The following GRHL1 variants were observed in gnomAD, a reference collection of about 807,000 sequenced individuals.
GRHL1 encodes grainyhead like transcription factor 1, also known as grainyhead-like protein 1 homolog.
GRHL1 carries 38 observed loss-of-function variants against 75.7 expected under a neutral mutation model. The observed-to-expected ratio is 0.50, with a 90% confidence interval of 0.39 to 0.66. The LOEUF is 0.66. GRHL1 is among the 30% of genes least tolerant of loss of function. The pLI is 0.00. For missense variants in GRHL1, 589 were observed against 767.5 expected, an observed-to-expected ratio of 0.77 and a Z score of 2.75; for synonymous variants, 266 against 279.4, an observed-to-expected ratio of 0.95 and a Z score of 0.48.
chr2:9,956,476 A>G (rs1667027067), intron 2 of GRHL1, among the ~76,000 whole-genome samples: 1 of 152,038 alleles, frequency 6.6e-6, no homozygotes, highest in African/African-American at 2.4e-5. Context: ...AGCTGAGATC[A>G]TGCCATATCA....
intron 11 of GRHL1, 95 bp from the exon 12 acceptor site, chr2:9,993,112 T>G (rs1668715513): frequency 3.2e-6 from 3 of 945,948 alleles, no homozygotes; most frequent in Non-Finnish European, 5.2e-6. Flanking sequence ...ATTAGATTGG[T>G]GAAATTCAAA....
chr2:9,996,421 T>TA lies in GRHL1; in HGVS notation c.1677+22dup. 7.1e-7 allele frequency: 1 copy of TA among 1,412,674 alleles called. No individual in the cohort carries two copies. Among genetic ancestry groups the TA allele is most frequent in the East Asian group, 2.3e-5 (1 of 43,988 alleles). The allele number at this position is 1,412,674 out of a possible 1,614,324, so 87.5% of individuals were successfully genotyped here. On this transcript the variant is annotated intron_variant, in intron 14 of 15. Coordinates refer to ENST00000324907, the MANE Select transcript of GRHL1 (RefSeq NM_198182.3). ...GAAGCTGTAAGTAGGATCAACTCTG[T>TA]AATCCCCTGTACAAAATGAAAGGAC...
At chr2:9,970,722 A>G (rs1245961907) in intron 8 of GRHL1, among the ~76,000 whole-genome samples, 1 of 152,220 alleles carries the variant, frequency 6.6e-6, no homozygotes. Flanking sequence ...CCCTGGGGGA[A>G]GAAAACCCTG....
At chr2:9,973,946 A>G (rs1342521703) in intron 8 of GRHL1, among the ~76,000 whole-genome samples, 1 of 152,196 alleles carries the variant, frequency 6.6e-6, no homozygotes, top group Non-Finnish European at 1.5e-5. Context: ...CAGCCTAGCT[A>G]TTTGGTTCGA....
At chr2:9,954,750 G>T in intron 1 of GRHL1, 165 bp from the exon 2 acceptor site, 1 of 683,908 alleles carries the variant, frequency 1.5e-6, no homozygotes, top group Non-Finnish European at 2.6e-6. Context: ...GGGACCCATT[G>T]GTCTGCACTT....
chr2:9,998,799 C>CAT (rs765264863), intron 14 of GRHL1, among the ~76,000 whole-genome samples, 166 bp from the exon 15 acceptor site: 4 of 29,322 alleles, frequency 1.4e-4, no homozygotes, highest in Non-Finnish European at 2.1e-4. Flanking sequence ...TATGTACACA[C>CAT]ATATATATAC....
At chr2:9,972,507 G>T (rs538785221) in intron 8 of GRHL1, among the ~76,000 whole-genome samples, 3 of 152,198 alleles carry the variant, frequency 2.0e-5, no homozygotes, top group East Asian at 3.9e-4. Context: ...GAGCTCTTCT[G>T]CCCACAAGAC....
chr2:9,975,408 C>T (rs1667906571), intron 8 of GRHL1, among the ~76,000 whole-genome samples: 1 of 152,308 alleles, frequency 6.6e-6, no homozygotes, highest in Admixed American at 6.5e-5. Flanking sequence ...CCTTGTATAT[C>T]TCAGTGTATC....
At chr2:9,961,518 A>C in intron 4 of GRHL1, 82 bp downstream of exon 4, 1 of 1,326,548 alleles carries the variant, frequency 7.5e-7, no homozygotes, top group Non-Finnish European at 1.0e-6. Context: ...TTATGTAAGC[A>C]TGAAACTCAG....
Position 9,995,929 on chromosome 2 carries a change from C to A in GRHL1, c.1550C>A (p.Pro517His). 6.2e-7 allele frequency: 1 copy of A among 1,613,022 alleles called. No homozygotes were observed. The highest frequency in any genetic ancestry group is 8.5e-7 in the Non-Finnish European group (1 of 1,178,922). The change falls in exon 13 of 16, where the codon CCT becomes CAT. Residue 517 changes from proline (P) to histidine (H), a missense_variant. Around this residue, in one of 5 missense-constraint regions of GRHL1, gnomAD observed 192 missense variants for 226.6 expected, o/e 0.85. Transcript: ENST00000324907. ...GGCACAGAAGATGACTTTGCTGTCC[C>A]TCCTTCTACCAAGCTGGCCCGGATA... ...PYGTEDDFAVPPSTKLARIEE... is the reference protein window; with the variant it reads ...PYGTEDDFAVHPSTKLARIEE...
rs1156363884 is a variant in GRHL1, at chr2:9,998,462, A to ATATATACGTG, written c.1678-494_1678-493insGTATATACGT. Among the ~76,000 whole-genome samples, 15 of 37,730 alleles carry ATATATACGTG rather than the reference A, an allele frequency of 4.0e-4. 2 individuals are homozygous for ATATATACGTG. The highest frequency in any genetic ancestry group is 6.8e-4 in the Non-Finnish European group (14 of 20,486). 24.8% of individuals were successfully genotyped at this position (37,730 alleles called of 152,430 possible). On this transcript the variant is annotated intron_variant, in intron 14 of 15. Coordinates refer to ENST00000324907, the MANE Select transcript of GRHL1 (RefSeq NM_198182.3). ...TGTGTGTGTGTGTATATATATACAT[A>ATATATACGTG]TATATACGTATATATATACATATAT...
At chr2:9,958,666 G>A in intron 2 of GRHL1, 120 bp from the exon 3 acceptor site, 1 of 713,062 alleles carries the variant, frequency 1.4e-6, no homozygotes, top group Non-Finnish European at 2.4e-6. Flanking sequence ...CCTGGTGTTT[G>A]CTAGGCAACC....
chr2:10,000,102 G>C (rs1669206703), intron 15 of GRHL1, among the ~76,000 whole-genome samples: 1 of 152,192 alleles, frequency 6.6e-6, no homozygotes. Flanking sequence ...TTTCACCTCA[G>C]CTTCCCAAGT....
chr2:9,954,513 C>T (rs1482693709), intron 1 of GRHL1, among the ~76,000 whole-genome samples: 1 of 152,148 alleles, frequency 6.6e-6, no homozygotes, highest in Non-Finnish European at 1.5e-5. Flanking sequence ...TGATGAACGG[C>T]ACACGCTCTT....
rs35903581 is a variant in GRHL1, at chr2:9,998,879, C to CAT, written c.1678-78_1678-77dup. The CAT allele has an allele frequency of 4.2e-3, 856 of 204,196 alleles. 164 individuals are homozygous for CAT. Among genetic ancestry groups the CAT allele is most frequent in the African/African-American group, 0.026 (252 of 9,684 alleles). The allele number at this position is 204,196 out of a possible 1,614,324, so 12.6% of individuals were successfully genotyped here. On this transcript the variant is annotated intron_variant, in intron 14 of 15. Coordinates refer to ENST00000324907, the MANE Select transcript of GRHL1 (RefSeq NM_198182.3). Reference sequence around the variant, plus strand: ...ATATATATACGTATATATATGTACACATATATATACATATATATATATTTG... The same window carrying CAT: ...ATATATATACGTATATATATGTACACATATATATATACATATATATATATTTG...
At chr2:9,998,448 G>GTGTGTGTT (rs1553306800) in intron 14 of GRHL1, among the ~76,000 whole-genome samples, 1 of 71,154 alleles carries the variant, frequency 1.4e-5, no homozygotes, top group African/African-American at 6.3e-5. Flanking sequence ...GTGTGTGTGT[G>GTGTGTGTT]TATATATATA....
intron 8 of GRHL1, among the ~76,000 whole-genome samples, chr2:9,984,332 G>A (rs1253080501): frequency 1.3e-5 from 2 of 151,860 alleles, no homozygotes; most frequent in Admixed American, 6.6e-5. Flanking sequence ...GGGGTTGAAG[G>A]GTCTGAAATG....
rs1558321504 is a variant in GRHL1, at chr2:9,998,827, T to TATATATATACGTATATATATGTACAC, written c.1678-101_1678-76dup. On this transcript the variant is annotated intron_variant, in intron 14 of 15. Transcript: ENST00000324907. ...ATATATACGTATATATATGTACACA[T>TATATATATACGTATATATATGTACAC]ATATATATACGTATATATATGTACA... The TATATATATACGTATATATATGTACAC allele has an allele frequency of 1.7e-4, 12 of 71,592 alleles. 1 individual carries two copies. The highest frequency in any genetic ancestry group is 5.6e-4 in the South Asian group (4 of 7,090). 4.4% of individuals were successfully genotyped at this position (71,592 alleles called of 1,614,324 possible).
chr2:9,962,457 T>A lies in GRHL1; in HGVS notation c.672T>A (p.Val224=), dbSNP rs1320295108. ...SETFKEGVQE[V]FFPSDLSLRM... is the part of the protein sequence containing the mutation. ...GGCTTATCACATTGATATTTCAGGT[T>A]TTCTTCCCCTCGGATCTCAGTCTGC... is the stretch of plus-strand genomic sequence containing the variant. The change falls in exon 5 of 16, where the codon GTT becomes GTA. Residue 224 remains valine, a splice_region_variant and synonymous_variant. Transcript: ENST00000324907. 3 of 1,584,228 alleles carry A rather than the reference T, an allele frequency of 1.9e-6. No individual in the cohort carries two copies. The highest frequency in any genetic ancestry group is 2.6e-6 in the Non-Finnish European group (3 of 1,152,828).
Sources: allele counts gnomAD v4.1 joint callset (sites outside exome capture counted in the v4.1 genomes callset), GRCh38; gene constraint gnomAD v4.1.1; regional missense constraint gnomAD v4.1.1; transcripts MANE v1.5; gene names NCBI Gene and HGNC (gene_info 2026-07-23, HGNC 2026-07-21).